Variants in PTPRD observed in about 807,000 individuals in gnomAD.
PTPRD encodes the protein receptor-type tyrosine-protein phosphatase delta.
PTPRD carries 34 observed loss-of-function variants against 214.5 expected under a neutral mutation model. The ratio of observed to expected loss-of-function variants is 0.16; its 90% CI spans 0.12 to 0.21. The LOEUF (loss-of-function observed/expected upper bound fraction) is 0.21. PTPRD is among the 10% of genes least tolerant of loss of function. The pLI is 1.00. For missense variants in PTPRD, 2,545 were observed against 2,398.7 expected (o/e 1.06, Z -1.27); for synonymous variants, 1,128 against 845.7 (o/e 1.33, Z -5.79).
At chr9:9,173,495 T>A (rs1036668949) in intron 10 of PTPRD, among the ~76,000 whole-genome samples, 3 of 152,080 alleles carry the variant, frequency 2.0e-5, no homozygotes, top group African/African-American at 7.2e-5. Context: ...TTACAAAAAC[T>A]TACTAATTAT....
intron 35 of PTPRD, among the ~76,000 whole-genome samples, chr9:8,414,874 A>AGAGG (rs557923527): frequency 3.4e-5 from 4 of 116,732 alleles, no homozygotes; most frequent in Non-Finnish European, 5.2e-5. Context: ...GGAGCAGGAG[A>AGAGG]GAGGGAGGGA....
intron 14 of PTPRD, among the ~76,000 whole-genome samples, chr9:8,594,516 A>C (rs2094350453): frequency 6.6e-6 from 1 of 152,122 alleles, no homozygotes; most frequent in South Asian, 2.1e-4. Context: ...GTCCCCATCC[A>C]AATCTCATCT....
intron 9 of PTPRD, among the ~76,000 whole-genome samples, chr9:9,394,540 G>C (rs576561483): frequency 6.6e-6 from 1 of 152,032 alleles, no homozygotes; most frequent in South Asian, 2.1e-4. Context: ...ATATTTTTGT[G>C]CCCCAGTTTT....
intron 4 of PTPRD, among the ~76,000 whole-genome samples, chr9:9,949,317 T>A (rs2093180912): frequency 6.6e-6 from 1 of 152,146 alleles, no homozygotes; most frequent in Non-Finnish European, 1.5e-5. Context: ...CTTCCTAACC[T>A]TTAAAACATT....
chr9:9,016,698 C>G (rs1490895901), intron 11 of PTPRD, among the ~76,000 whole-genome samples: 1 of 152,120 alleles, frequency 6.6e-6, no homozygotes, highest in Admixed American at 6.5e-5. Flanking sequence ...ATCACAAGTA[C>G]AAACAACTGT....
chr9:9,986,964 G>A (rs1017403670), intron 4 of PTPRD, among the ~76,000 whole-genome samples: 1 of 151,844 alleles, frequency 6.6e-6, no homozygotes, highest in Non-Finnish European at 1.5e-5. Flanking sequence ...CCTATTTCCT[G>A]AACAGGAATA....
chr9:9,683,293 C>T (rs2097108708), intron 7 of PTPRD, among the ~76,000 whole-genome samples: 2 of 151,762 alleles, frequency 1.3e-5, no homozygotes, highest in South Asian at 4.1e-4. Context: ...TTACCAGGCA[C>T]TCAGGGGTAA....
chr9:8,636,719 C>T lies in PTPRD; in HGVS notation c.190G>A (p.Val64Ile), dbSNP rs748426647. Residue 64 changes from valine to isoleucine, a missense_variant, in exon 13 of 46, where the codon GTC becomes ATC. Transcript: ENST00000381196. ...KIVWNKKGKK[V>I]SNQRFEVIEF... ...AATACCTCAAATCTCTGATTGCTGA[C>T]TTTCTTTCCTTTTTTGTTCCAGACA... 6.2e-7 allele frequency: 1 copy of T among 1,614,050 alleles called. No homozygotes were observed. Among genetic ancestry groups the T allele is most frequent in the Non-Finnish European group, 8.5e-7 (1 of 1,179,950 alleles).
At chr9:9,397,037 T>C (rs2068128831) in intron 9 of PTPRD, among the ~76,000 whole-genome samples, 2 of 152,080 alleles carry the variant, frequency 1.3e-5, no homozygotes, top group Non-Finnish European at 2.9e-5. Context: ...AAATTCTTTT[T>C]TCTTCTTTCT....
At chr9:10,594,171 T>C (rs1025707285) in intron 2 of PTPRD, among the ~76,000 whole-genome samples, 1 of 152,010 alleles carries the variant, frequency 6.6e-6, no homozygotes, top group African/African-American at 2.4e-5. Context: ...GATTACATAA[T>C]CTACTTTACT....
At chr9:8,736,358 T>A (rs2090388542) in intron 11 of PTPRD, among the ~76,000 whole-genome samples, 1 of 152,178 alleles carries the variant, frequency 6.6e-6, no homozygotes, top group Non-Finnish European at 1.5e-5. Context: ...GCATCCTCTA[T>A]TACTGCAGAA....
intron 7 of PTPRD, among the ~76,000 whole-genome samples, chr9:9,668,526 T>G (rs1350225800): frequency 6.6e-6 from 1 of 152,136 alleles, no homozygotes; most frequent in Admixed American, 6.6e-5. Context: ...CAATTAAGTT[T>G]TGATTGGCCA....
chr9:8,810,487 GTCCTAAAAAGTTCAGATC>G (rs959266111), intron 11 of PTPRD, among the ~76,000 whole-genome samples: 3 of 152,104 alleles, frequency 2.0e-5, no homozygotes, highest in African/African-American at 7.2e-5. Flanking sequence ...GCATTAGGAT[GTCCTAAAAAGTTCAGATC>G]ACCTCATTTT....
At chr9:8,826,468 C>G (rs1366090033) in intron 11 of PTPRD, among the ~76,000 whole-genome samples, 1 of 152,098 alleles carries the variant, frequency 6.6e-6, no homozygotes, top group Non-Finnish European at 1.5e-5. Context: ...AGTCCACCAC[C>G]CTCCAGCCCT....
chr9:8,981,042 A>G (rs1056175477), intron 11 of PTPRD, among the ~76,000 whole-genome samples: 26 of 152,092 alleles, frequency 1.7e-4, no homozygotes, highest in African/African-American at 6.0e-4. Context: ...AGCATGCTGA[A>G]TTACTTGTCT....
chr9:9,673,426 T>C (rs973650815), intron 7 of PTPRD, among the ~76,000 whole-genome samples: 1 of 151,802 alleles, frequency 6.6e-6, no homozygotes, highest in African/African-American at 2.4e-5. Context: ...AAACTTCCCA[T>C]AGTAAGAAAT....
chr9:9,661,091 T>G (rs893924748), intron 7 of PTPRD, among the ~76,000 whole-genome samples: 4 of 152,008 alleles, frequency 2.6e-5, no homozygotes, highest in Non-Finnish European at 5.9e-5. Context: ...AAAAACACTA[T>G]TCTATTAATT....
chr9:9,118,495 G>A (rs1055969968), intron 10 of PTPRD, among the ~76,000 whole-genome samples: 5 of 152,042 alleles, frequency 3.3e-5, no homozygotes, highest in African/African-American at 1.2e-4. Flanking sequence ...TTTTTAGGAA[G>A]GTCTGTTTTT....
chr9:8,786,889 T>C (rs879549818), intron 11 of PTPRD, among the ~76,000 whole-genome samples: 2 of 152,220 alleles, frequency 1.3e-5, no homozygotes, highest in African/African-American at 4.8e-5. Context: ...TGAGGAAATA[T>C]AAAGCATGGT....
Sources: gnomAD v4.1 joint callset for allele counts (sites outside exome capture counted in the v4.1 genomes callset) on GRCh38, gnomAD v4.1.1 for gene constraint, MANE v1.5 for transcripts, NCBI Gene and HGNC (gene_info 2026-07-23, HGNC 2026-07-21) for gene names.